FAM13A: variants seen among roughly 807,000 people sequenced by gnomAD.
FAM13A encodes family with sequence similarity 13 member A.
A neutral mutation model predicts 129.6 loss-of-function variants in FAM13A; 76 were observed. That is an observed-to-expected ratio of 0.59 (90% CI 0.49 to 0.71). FAM13A has a LOEUF of 0.71. FAM13A is among the 30% of genes least tolerant of loss of function. The pLI is 0.00. For missense variants in FAM13A, 1,108 were observed against 1,249.3 expected (o/e 0.89, Z 1.70); for synonymous variants, 443 against 449.9 (o/e 0.98, Z 0.20).
intron 3 of FAM13A, among the ~76,000 whole-genome samples, 178 bp from the exon 4 acceptor site, chr4:88,991,328 C>T (rs1400955488): frequency 6.6e-6 from 1 of 152,150 alleles, no homozygotes; most frequent in Non-Finnish European, 1.5e-5. Context: ...GTCCCAGCTA[C>T]TCAGGAGGCT....
At chr4:88,860,322 G>A (rs1015616318) in intron 6 of FAM13A, among the ~76,000 whole-genome samples, 3 of 152,198 alleles carry the variant, frequency 2.0e-5, no homozygotes, top group Non-Finnish European at 2.9e-5. Flanking sequence ...TAACGCCTCA[G>A]GGAAGGATGA....
At chr4:88,806,583 C>T (rs1728608126) in intron 7 of FAM13A, among the ~76,000 whole-genome samples, 1 of 152,154 alleles carries the variant, frequency 6.6e-6, no homozygotes, top group Non-Finnish European at 1.5e-5. Flanking sequence ...TTTTCATTCT[C>T]TCATGATTTG....
At chr4:89,052,867 A>G (rs1047628365) in intron 1 of FAM13A, among the ~76,000 whole-genome samples, 2 of 152,150 alleles carry the variant, frequency 1.3e-5, no homozygotes, top group Non-Finnish European at 2.9e-5. Context: ...AAAGAACCAT[A>G]TGCCAGTCAG....
At chr4:88,760,824 T>G (rs933970560) in intron 13 of FAM13A, among the ~76,000 whole-genome samples, 5 of 150,380 alleles carry the variant, frequency 3.3e-5, no homozygotes, top group Non-Finnish European at 5.9e-5. Flanking sequence ...TTACCAATCA[T>G]GAGTGTGCCT....
chr4:88,919,978 C>T (rs561200170), intron 5 of FAM13A, among the ~76,000 whole-genome samples: 125 of 152,304 alleles, frequency 8.2e-4, no homozygotes, highest in Middle Eastern at 3.4e-3. Context: ...AACTGCAAGG[C>T]GGCAGCGAGG....
chr4:88,934,926 A>C (rs1365260020), intron 5 of FAM13A, among the ~76,000 whole-genome samples: 1 of 152,220 alleles, frequency 6.6e-6, no homozygotes, highest in Non-Finnish European at 1.5e-5. Flanking sequence ...CACTGGAGTA[A>C]CTAGATCTAG....
At chr4:89,027,448 T>A (rs897112275) in intron 2 of FAM13A, among the ~76,000 whole-genome samples, 1 of 151,730 alleles carries the variant, frequency 6.6e-6, no homozygotes, top group African/African-American at 2.4e-5. Context: ...AATATGAGGC[T>A]GCAATGAGTT....
chr4:89,042,254 C>G (rs1330666504), intron 1 of FAM13A, among the ~76,000 whole-genome samples: 2 of 151,946 alleles, frequency 1.3e-5, no homozygotes, highest in Non-Finnish European at 2.9e-5. Flanking sequence ...AAGCTAAGCT[C>G]TAAGTACAGT....
chr4:88,847,442 C>T (rs998812419), intron 7 of FAM13A, among the ~76,000 whole-genome samples: 11 of 152,102 alleles, frequency 7.2e-5, no homozygotes, highest in Admixed American at 7.2e-4. Flanking sequence ...TACAGCTATG[C>T]ATTTGTTTTA....
rs753951902 is a variant in FAM13A at position 88,991,154 on chromosome 4, G to GA, written c.428-5dup. 1,073 of 1,555,312 alleles carry GA rather than the reference G, an allele frequency of 6.9e-4. No homozygotes were observed. The highest frequency in any genetic ancestry group is 7.7e-4 in the Non-Finnish European group (887 of 1,144,560). On this transcript the variant is annotated splice_polypyrimidine_tract_variant and splice_region_variant and intron_variant, in intron 3 of 23. Coordinates refer to ENST00000264344, the MANE Select transcript of FAM13A (RefSeq NM_014883.4). ...TCCTGAACATCATTTCTGCCATCTG[G>GA]AAAAAAAAAGAATAAAAATGTTCTA...
intron 1 of FAM13A, among the ~76,000 whole-genome samples, chr4:89,041,333 T>C (rs1476203099): frequency 1.3e-5 from 2 of 152,118 alleles, no homozygotes; most frequent in African/African-American, 2.4e-5. Flanking sequence ...TAATAAAATA[T>C]CACATGTACC....
chr4:88,827,942 G>T (rs1733295454), intron 7 of FAM13A, among the ~76,000 whole-genome samples: 1 of 152,082 alleles, frequency 6.6e-6, no homozygotes, highest in African/African-American at 2.4e-5. Context: ...TGCCTCTCCA[G>T]TTCAGTTGCT....
intron 1 of FAM13A, among the ~76,000 whole-genome samples, chr4:89,053,743 G>C (rs562776124): frequency 6.6e-6 from 1 of 152,220 alleles, no homozygotes; most frequent in African/African-American, 2.4e-5. Flanking sequence ...TCATAGATTT[G>C]AGACCTAAAT....
chr4:89,041,452 T>C (rs1327437420), intron 1 of FAM13A, among the ~76,000 whole-genome samples: 2 of 152,204 alleles, frequency 1.3e-5, no homozygotes, highest in African/African-American at 4.8e-5. Context: ...CAGACCTGGA[T>C]GATGACTTTA....
At chr4:88,908,499 C>G (rs1297408344) in intron 5 of FAM13A, among the ~76,000 whole-genome samples, 3 of 152,076 alleles carry the variant, frequency 2.0e-5, no homozygotes, top group Non-Finnish European at 4.4e-5. Context: ...ATTCTTTCTT[C>G]CTTATGCAAA....
intron 7 of FAM13A, among the ~76,000 whole-genome samples, chr4:88,839,782 A>G (rs1735491670): frequency 6.6e-6 from 1 of 152,228 alleles, no homozygotes; most frequent in African/African-American, 2.4e-5. Flanking sequence ...TGCTGTCAAC[A>G]TCTTAACATT....
intron 8 of FAM13A, among the ~76,000 whole-genome samples, chr4:88,793,388 C>A (rs1470674809): frequency 6.6e-6 from 1 of 151,822 alleles, no homozygotes; most frequent in South Asian, 2.1e-4. Context: ...GTAATTAAAT[C>A]ATATTCATAT....
chr4:88,836,908 C>T (rs1171626512), intron 7 of FAM13A, among the ~76,000 whole-genome samples: 1 of 151,374 alleles, frequency 6.6e-6, no homozygotes, highest in Non-Finnish European at 1.5e-5. Flanking sequence ...TGCAGAGGGC[C>T]GAGATTGTGC....
At chr4:88,785,830 C>T (rs1043339040) in intron 10 of FAM13A, among the ~76,000 whole-genome samples, 3 of 152,232 alleles carry the variant, frequency 2.0e-5, no homozygotes, top group South Asian at 2.1e-4. Flanking sequence ...TATCAAGACA[C>T]GATTGTATCA....
Sources: allele counts gnomAD v4.1 joint callset (sites outside exome capture counted in the v4.1 genomes callset), GRCh38; gene constraint gnomAD v4.1.1; transcripts MANE v1.5; gene names NCBI Gene and HGNC (gene_info 2026-07-23, HGNC 2026-07-21).